The following THSD4 variants were observed in gnomAD, a reference collection of about 807,000 sequenced individuals.
THSD4 encodes the protein thrombospondin type 1 domain containing 4, also known as thrombospondin type-1 domain-containing protein 4.
THSD4 carries 69 observed loss-of-function variants against 119.0 expected under a neutral mutation model. The ratio of observed to expected loss-of-function variants is 0.58; its 90% CI spans 0.48 to 0.71. THSD4 has a LOEUF of 0.71. Ranked by LOEUF, THSD4 falls within the 30% of genes least tolerant of loss-of-function variation. THSD4 has a pLI of 0.00. For synonymous variants in THSD4, 524 were observed against 540.4 expected (o/e 0.97, Z 0.42); for missense variants, 1,393 against 1,391.1 (o/e 1.00, Z -0.02).
At chr15:71,524,909 G>A (rs12907364) in intron 7 of THSD4, among the ~76,000 whole-genome samples, 22,151 of 150,680 alleles carry the variant, frequency 0.15, 1,720 homozygotes, top group East Asian at 0.24. Flanking sequence ...ACCATGCCCG[G>A]CCTCTTGCTT....
At chr15:71,726,718 A>G (rs980361474) in intron 8 of THSD4, among the ~76,000 whole-genome samples, 4 of 151,986 alleles carry the variant, frequency 2.6e-5, no homozygotes. Flanking sequence ...CAGGCGGATC[A>G]TCTGAGGTCA....
chr15:71,738,619 G>T (rs2053174869), intron 11 of THSD4, among the ~76,000 whole-genome samples: 1 of 152,220 alleles, frequency 6.6e-6, no homozygotes, highest in Non-Finnish European at 1.5e-5. Flanking sequence ...TCCAGGTGTT[G>T]CCTCCAGCAG....
chr15:71,368,841 T>G lies in THSD4; in HGVS notation c.1016-42846T>G, dbSNP rs1259427150. Reference sequence around the variant, plus strand: ...GTGAAGAAAGTCATTGGTAGCTTGATGGGGATGGCACTGAGTCTATAAATT... The same window carrying G: ...GTGAAGAAAGTCATTGGTAGCTTGAGGGGGATGGCACTGAGTCTATAAATT... On this transcript the variant is annotated intron_variant, in intron 6 of 17. Coordinates refer to ENST00000261862, the MANE Select transcript of THSD4 (RefSeq NM_024817.3). Among the ~76,000 whole-genome samples, 51 of 152,204 alleles carry G rather than the reference T, an allele frequency of 3.4e-4. 2 individuals carry two copies. The highest frequency in any genetic ancestry group is 3.3e-3 in the Admixed American group (51 of 15,272).
intron 2 of THSD4, among the ~76,000 whole-genome samples, chr15:71,146,412 A>T (rs1233052363): frequency 2.0e-5 from 3 of 148,134 alleles, no homozygotes; most frequent in Non-Finnish European, 4.5e-5. Context: ...AATCATTTGC[A>T]GTTGTCTCAT....
At chr15:71,469,660 A>G (rs1450681927) in intron 7 of THSD4, among the ~76,000 whole-genome samples, 1 of 152,148 alleles carries the variant, frequency 6.6e-6, no homozygotes, top group African/African-American at 2.4e-5. Context: ...ATCTGCATCA[A>G]ATATATCTTT....
At chr15:71,233,834 A>C (rs1049530329) in intron 4 of THSD4, among the ~76,000 whole-genome samples, 4 of 152,220 alleles carry the variant, frequency 2.6e-5, no homozygotes, top group African/African-American at 9.6e-5. Context: ...TCAGATGCTC[A>C]GACACTTCGT....
intron 6 of THSD4, among the ~76,000 whole-genome samples, chr15:71,404,193 C>T (rs559513629): frequency 5.3e-4 from 80 of 152,174 alleles, no homozygotes; most frequent in Non-Finnish European, 9.0e-4. Flanking sequence ...TGATTGCAAA[C>T]ATTTTCCTTA....
rs555963469 is a variant in THSD4 at position 71,275,851 on chromosome 15, C to T, written c.1015+19136C>T. Among the ~76,000 whole-genome samples, 19 of 152,280 alleles carry T rather than the reference C, an allele frequency of 1.2e-4. 1 individual carries two copies. The highest frequency in any genetic ancestry group is 1.0e-3 in the South Asian group (5 of 4,818). ...CCTTACTGCCACCGTGTGAGGAGGG[C>T]TGTGTTTGCTTCCCCTTCTGCGATG... On this transcript the variant is annotated intron_variant, in intron 6 of 17. Transcript: ENST00000261862.
At chr15:71,347,653 A>G (rs185975540) in intron 6 of THSD4, among the ~76,000 whole-genome samples, 129 of 152,294 alleles carry the variant, frequency 8.5e-4, no homozygotes, top group Middle Eastern at 3.4e-3. Context: ...GTGCAGTCCA[A>G]TGTGCTAGCC....
chr15:71,143,713 T>C (rs28625828), intron 2 of THSD4, among the ~76,000 whole-genome samples: 2 of 141,604 alleles, frequency 1.4e-5, no homozygotes, highest in African/African-American at 6.0e-5. Flanking sequence ...TTTTTTTTTT[T>C]TTTTTTCAAA....
chr15:71,478,855 C>A (rs768999450), intron 7 of THSD4, among the ~76,000 whole-genome samples: 2 of 152,164 alleles, frequency 1.3e-5, no homozygotes, highest in African/African-American at 4.8e-5. Context: ...TCTTGGGCTT[C>A]CCTAATGGGC....
chr15:71,332,954 C>A (rs1435383861), intron 6 of THSD4, among the ~76,000 whole-genome samples: 3 of 109,132 alleles, frequency 2.7e-5, no homozygotes, highest in Non-Finnish European at 5.4e-5. Flanking sequence ...TGTGTGGCCC[C>A]AGACAATTCT....
At chr15:71,430,091 TGTG>T (rs911760307) in intron 7 of THSD4, among the ~76,000 whole-genome samples, 3 of 151,754 alleles carry the variant, frequency 2.0e-5, no homozygotes, top group African/African-American at 7.3e-5. Context: ...TATAAGCTGT[TGTG>T]GTGATTTTTT....
intron 3 of THSD4, among the ~76,000 whole-genome samples, chr15:71,212,407 C>A (rs1302696142): frequency 6.6e-6 from 1 of 152,138 alleles, no homozygotes; most frequent in Non-Finnish European, 1.5e-5. Context: ...GCAATAGGAA[C>A]TAAATTAAGG....
At chr15:71,336,824 A>T (rs533497435) in intron 6 of THSD4, among the ~76,000 whole-genome samples, 6 of 152,338 alleles carry the variant, frequency 3.9e-5, no homozygotes, top group African/African-American at 1.2e-4. Context: ...ATGACATACA[A>T]ACCTGTCAAA....
rs1488765656 is a variant in THSD4, at chr15:71,161,756, T to C, written c.99+6824T>C. 2.0e-5 allele frequency among the ~76,000 whole-genome samples: 3 copies of C among 152,098 alleles called. No homozygotes were observed. In the East Asian group the frequency reaches 5.8e-4, roughly 29 times the overall value. On this transcript the variant is annotated intron_variant, in intron 3 of 17. Coordinates refer to ENST00000261862, the MANE Select transcript of THSD4 (RefSeq NM_024817.3). ...ATCCATTTACATTCAAGGTTGTTAT[T>C]GATAGGTAAGGTTTTCTGTCATTTT...
chr15:71,262,532 G>T (rs1237996470), intron 6 of THSD4, among the ~76,000 whole-genome samples: 1 of 152,162 alleles, frequency 6.6e-6, no homozygotes, highest in Non-Finnish European at 1.5e-5. Context: ...CTGGAGTTTT[G>T]CTGGGTTGCT....
intron 8 of THSD4, among the ~76,000 whole-genome samples, chr15:71,709,506 G>A (rs1595881271): frequency 2.6e-5 from 4 of 152,246 alleles, no homozygotes; most frequent in East Asian, 1.9e-4. Context: ...ACCTTCCAGG[G>A]GGGCTCCTCA....
intron 6 of THSD4, among the ~76,000 whole-genome samples, chr15:71,306,137 C>G (rs2045021693): frequency 6.6e-6 from 1 of 151,902 alleles, no homozygotes; most frequent in Admixed American, 6.6e-5. Flanking sequence ...GAAACCTCTT[C>G]TCTACTAAAA....
Sources: gnomAD v4.1 joint callset for allele counts (sites outside exome capture counted in the v4.1 genomes callset) on GRCh38, gnomAD v4.1.1 for gene constraint, MANE v1.5 for transcripts, NCBI Gene and HGNC (gene_info 2026-07-23, HGNC 2026-07-21) for gene names.